The following EFCAB11 variants were observed in gnomAD, a reference collection of about 807,000 sequenced individuals.
EFCAB11 encodes the protein EF-hand calcium-binding domain-containing protein 11.
Under a neutral mutation model 23.0 loss-of-function variants are expected in EFCAB11, and 14 were observed. That is an observed-to-expected ratio of 0.61 (90% CI 0.40 to 0.95). The LOEUF (loss-of-function observed/expected upper bound fraction) is 0.95, where lower values mean the gene tolerates loss of function less well. Ranked by LOEUF, EFCAB11 falls within the 40% of genes least tolerant of loss-of-function variation. EFCAB11 has a pLI of 0.00. For synonymous variants in EFCAB11, 65 were observed against 66.6 expected (o/e 0.98, Z 0.11); for missense variants, 198 against 195.8 (o/e 1.01, Z -0.07).
chr14:89,881,208 C>A (rs933711018), intron 5 of EFCAB11, among the ~76,000 whole-genome samples: 4 of 151,510 alleles, frequency 2.6e-5, no homozygotes, highest in African/African-American at 7.3e-5. Context: ...TGTTACAGAA[C>A]AAAATTGTCT....
At chr14:89,943,227 A>G (rs898494163) in intron 3 of EFCAB11, among the ~76,000 whole-genome samples, 1 of 152,034 alleles carries the variant, frequency 6.6e-6, no homozygotes, top group African/African-American at 2.4e-5. Context: ...CCAGGAGGCC[A>G]AGGCCAGCAT....
At chr14:89,898,504 A>G (rs1349761194) in intron 5 of EFCAB11, among the ~76,000 whole-genome samples, 2 of 151,916 alleles carry the variant, frequency 1.3e-5, no homozygotes, top group East Asian at 3.9e-4. Context: ...GGCTGGAACT[A>G]TAGGCCCATG....
chr14:89,889,743 T>G (rs1402076468), intron 5 of EFCAB11, among the ~76,000 whole-genome samples: 1 of 152,238 alleles, frequency 6.6e-6, no homozygotes, highest in East Asian at 1.9e-4. Context: ...AGCCCACAAT[T>G]AAACCCTGGG....
intron 5 of EFCAB11, among the ~76,000 whole-genome samples, chr14:89,865,160 G>C (rs961963524): frequency 2.0e-5 from 3 of 152,190 alleles, no homozygotes; most frequent in African/African-American, 7.2e-5. Flanking sequence ...GCAAGGGCAA[G>C]GCTGAAAGAA....
At chr14:89,841,450 C>T (rs1269843291) in intron 5 of EFCAB11, among the ~76,000 whole-genome samples, 9 of 151,708 alleles carry the variant, frequency 5.9e-5, no homozygotes, top group Non-Finnish European at 5.9e-5. Context: ...TCTTCCCCGC[C>T]GCACCCCCAG....
At chr14:89,921,788 A>G (rs142010803) in intron 5 of EFCAB11, among the ~76,000 whole-genome samples, 15 of 152,362 alleles carry the variant, frequency 9.8e-5, no homozygotes, top group African/African-American at 3.6e-4. Context: ...GACAATCAAA[A>G]CTTTGATGTA....
At chr14:89,869,604 C>T (rs1888206270) in intron 5 of EFCAB11, among the ~76,000 whole-genome samples, 1 of 152,220 alleles carries the variant, frequency 6.6e-6, no homozygotes, top group Non-Finnish European at 1.5e-5. Context: ...TGCACTCTGC[C>T]TAAGAGGCCA....
chr14:89,822,808 G>C (rs188947739), intron 5 of EFCAB11, among the ~76,000 whole-genome samples: 1 of 152,276 alleles, frequency 6.6e-6, no homozygotes, highest in East Asian at 1.9e-4. Context: ...CCATACCTCA[G>C]AAATAGGGCT....
chr14:89,931,365 T>C, intron 5 of EFCAB11, 176 bp downstream of exon 5: 1 of 604,670 alleles, frequency 1.7e-6, no homozygotes, highest in Non-Finnish European at 2.8e-6. Flanking sequence ...GTCAGGGGCA[T>C]GGAAGGACCC....
chr14:89,908,397 C>T (rs753486312), intron 5 of EFCAB11, among the ~76,000 whole-genome samples: 6 of 152,192 alleles, frequency 3.9e-5, no homozygotes, highest in Non-Finnish European at 8.8e-5. Flanking sequence ...CTCCGAAATG[C>T]TCCAAAATCC....
intron 3 of EFCAB11, among the ~76,000 whole-genome samples, chr14:89,944,164 G>GT (rs749723521): frequency 1.3e-5 from 2 of 152,240 alleles, no homozygotes; most frequent in Non-Finnish European, 2.9e-5. Context: ...TGGACTTACA[G>GT]TTCCACACGG....
At chr14:89,857,533 T>TA (rs1251877541) in intron 5 of EFCAB11, among the ~76,000 whole-genome samples, 1 of 151,976 alleles carries the variant, frequency 6.6e-6, no homozygotes, top group Non-Finnish European at 1.5e-5. Context: ...AAAGTTCCTA[T>TA]AAAAAAATCA....
chr14:89,822,522 G>A (rs1044853320), intron 5 of EFCAB11, among the ~76,000 whole-genome samples: 7 of 152,212 alleles, frequency 4.6e-5, no homozygotes, highest in African/African-American at 1.7e-4. Context: ...CTGGTTGGGA[G>A]AGGCTGAGAG....
rs1206963018 is a variant in EFCAB11, at chr14:89,898,825, C to A, written c.410+32716G>T. On this transcript the variant is annotated intron_variant, in intron 5 of 5. Coordinates refer to ENST00000316738, the MANE Select transcript of EFCAB11 (RefSeq NM_145231.4). The stretch of plus-strand genomic sequence containing the variant: ...TAGCTGGGACTACAGGGGTGTGCCA[C>A]AATGCCCAGCTAATTTTTTTTCATT... 7.2e-5 allele frequency among the ~76,000 whole-genome samples: 11 copies of A among 151,842 alleles called. No homozygotes were observed. In the East Asian group the frequency reaches 2.1e-3, roughly 29 times the overall value.
chr14:89,886,451 G>C (rs1160236903), intron 5 of EFCAB11, among the ~76,000 whole-genome samples: 1 of 150,410 alleles, frequency 6.6e-6, no homozygotes, highest in Non-Finnish European at 1.5e-5. Flanking sequence ...CCTGGGGGCG[G>C]AGCTTGCAGT....
intron 3 of EFCAB11, among the ~76,000 whole-genome samples, chr14:89,949,532 T>G (rs1191863322): frequency 3.3e-5 from 5 of 151,996 alleles, no homozygotes; most frequent in Admixed American, 2.6e-4. Flanking sequence ...GCCCAGCTAA[T>G]TTTTTGTATT....
At chr14:89,911,910 C>A (rs576723713) in intron 5 of EFCAB11, among the ~76,000 whole-genome samples, 1 of 152,182 alleles carries the variant, frequency 6.6e-6, no homozygotes, top group Admixed American at 6.5e-5. Flanking sequence ...CATGAATTAT[C>A]CCTGTTAAGC....
chr14:89,868,582 C>T (rs1173944241), intron 5 of EFCAB11, among the ~76,000 whole-genome samples: 1 of 152,208 alleles, frequency 6.6e-6, no homozygotes, highest in Non-Finnish European at 1.5e-5. Flanking sequence ...CCAGTGAGTA[C>T]CTGTCTTCAG....
Position 89,840,122 on chromosome 14 carries a change from C to T in EFCAB11, c.411-42798G>A, listed in dbSNP as rs550122165. On this transcript the variant is annotated intron_variant, in intron 5 of 5. Transcript: ENST00000316738. ...TGCCCTTGTACTATACTGTAGTCTA[C>T]GCTTACACATATTCAACACAAGTAT... 3.9e-5 allele frequency among the ~76,000 whole-genome samples: 6 copies of T among 152,296 alleles called. No individual in the cohort carries two copies. In the South Asian group the frequency reaches 8.3e-4, roughly 21 times the overall value.
Sources: gnomAD v4.1 joint callset for allele counts (sites outside exome capture counted in the v4.1 genomes callset) on GRCh38, gnomAD v4.1.1 for gene constraint, MANE v1.5 for transcripts, NCBI Gene and HGNC (gene_info 2026-07-23, HGNC 2026-07-21) for gene names.